The following TTF2 variants were observed in gnomAD, a reference collection of about 807,000 sequenced individuals.
TTF2 encodes the protein RNA polymerase II termination factor.
TTF2 carries 108 observed loss-of-function variants against 142.4 expected under a neutral mutation model. That is an observed-to-expected ratio of 0.76 (90% CI 0.65 to 0.89). The LOEUF (loss-of-function observed/expected upper bound fraction) is 0.89. Ranked by LOEUF, TTF2 falls within the 40% of genes least tolerant of loss-of-function variation. The probability of loss-of-function intolerance (pLI) is 0.00; values close to 1 mark genes in which losing one functional copy is unlikely to be tolerated. For synonymous variants in TTF2, 483 were observed against 506.2 expected, an observed-to-expected ratio of 0.95 and a Z score of 0.61; for missense variants, 1,327 against 1,379.8, an observed-to-expected ratio of 0.96 and a Z score of 0.61.
chr1:117,073,590 T>TA lies in TTF2; in HGVS notation c.219-66dup, dbSNP rs1656759594. 2.8e-6 allele frequency: 4 copies of TA among 1,445,960 alleles called. No individual in the cohort carries two copies. Among genetic ancestry groups the TA allele is most frequent in the Non-Finnish European group, 3.8e-6 (4 of 1,062,824 alleles). The allele number at this position is 1,445,960 out of a possible 1,614,324, so 89.6% of individuals were successfully genotyped here. ...ATAGTTGCAAGATGTTTTCTTGGAT[T>TA]AAAAATAAGCTTATCTCTTGTTCTA... On this transcript the variant is annotated intron_variant, in intron 3 of 22. Coordinates refer to ENST00000369466, the MANE Select transcript of TTF2 (RefSeq NM_003594.4). The surrounding 1 kb of genome is among the most constrained non-coding windows in gnomAD (Gnocchi z 4.4).
Position 117,074,170 on chromosome 1 carries a change from G to GT in TTF2, c.285+444dup, listed in dbSNP as rs373301090. Among the ~76,000 whole-genome samples, 627 of 152,292 alleles carry GT rather than the reference G, an allele frequency of 4.1e-3. 7 individuals carry two copies. Among genetic ancestry groups the GT allele is most frequent in the African/African-American group, 0.014 (601 of 41,560 alleles). On this transcript the variant is annotated intron_variant, in intron 4 of 22. Coordinates refer to ENST00000369466, the MANE Select transcript of TTF2 (RefSeq NM_003594.4). ...TACGTGAGGAACTAGAAGTAGGGAG[G>GT]TGATAAGACTTGTTTTGGCAGAGGT...
At position 117,092,027 on chromosome 1, in the gene TTF2, A is replaced by G; in HGVS notation, c.2805+77A>G. ...GAGAAGTCAATTTCACTCTCCTCCA[A>G]CTGGAATCCAGTCTGCTTGATCAAA... On this transcript the variant is annotated intron_variant, in intron 17 of 22. Coordinates refer to ENST00000369466, the MANE Select transcript of TTF2 (RefSeq NM_003594.4). This position sits in a 1 kb window ranked among gnomAD's most constrained non-coding sequence, Gnocchi z 4.4. 7.0e-7 allele frequency: 1 copy of G among 1,433,552 alleles called. No homozygotes were observed. 88.8% of individuals were successfully genotyped at this position (1,433,552 alleles called of 1,614,324 possible). A position where few individuals can be genotyped will look rare whatever the true frequency, so the allele number is the denominator to read the frequency against.
rs1439136061 is a variant in TTF2 at position 117,085,557 on chromosome 1, A to C, written c.2055-860A>C. 2.0e-5 allele frequency among the ~76,000 whole-genome samples: 3 copies of C among 152,164 alleles called. No individual in the cohort carries two copies. The highest frequency in any genetic ancestry group is 1.5e-5 in the Non-Finnish European group (1 of 68,022). Reference sequence around the variant, plus strand: ...GACCAGGGTAGGTTACTCACCTATTATTATCATTTCTGATGCTGAGTATGC... The same window carrying C: ...GACCAGGGTAGGTTACTCACCTATTCTTATCATTTCTGATGCTGAGTATGC... On this transcript the variant is annotated intron_variant, in intron 11 of 22. Transcript: ENST00000369466. The surrounding 1 kb of genome is among the most constrained non-coding windows in gnomAD (Gnocchi z 4.7).
chr1:117,076,172 T>G lies in TTF2; in HGVS notation c.1276-8T>G, dbSNP rs750723851. On this transcript the variant is annotated splice_polypyrimidine_tract_variant and splice_region_variant and intron_variant, in intron 5 of 22. Coordinates refer to ENST00000369466, the MANE Select transcript of TTF2 (RefSeq NM_003594.4). This position sits in a 1 kb window ranked among gnomAD's most constrained non-coding sequence, Gnocchi z 4.6. ...GGAGAGATCCATTTGATGGAATCTGTTTTTCAGAGCACACTGGCATCAGTG... is the reference window on the plus strand; with the variant it reads ...GGAGAGATCCATTTGATGGAATCTGGTTTTCAGAGCACACTGGCATCAGTG... The G allele has an allele frequency of 1.2e-6, 2 of 1,612,416 alleles. No homozygotes were observed. Among genetic ancestry groups the G allele is most frequent in the African/African-American group, 2.7e-5 (2 of 74,852 alleles).
chr1:117,091,817 T>G lies in TTF2; in HGVS notation c.2672T>G (p.Val891Gly), dbSNP rs746063529. ...TGTGGCTTGTCTTCCCTCTTGGAAG[T>G]GGCACTGGAGTTTGGGTCTGAGGAG... ...GRSPNNPFSRVALEFGSEEPR... is the reference protein window; with the variant it reads ...GRSPNNPFSRGALEFGSEEPR... Residue 891 changes from valine to glycine, a missense_variant and splice_region_variant, in exon 17 of 23, where the codon GTG becomes GGG. Transcript: ENST00000369466. The G allele has an allele frequency of 6.2e-7, 1 of 1,612,546 alleles. No homozygotes were observed. Among genetic ancestry groups the G allele is most frequent in the South Asian group, 1.1e-5 (1 of 90,984 alleles).
rs1400209086 is a variant in TTF2 at position 117,063,767 on chromosome 1, C to T, written c.218+1294C>T. 6.6e-6 allele frequency among the ~76,000 whole-genome samples: 1 copy of T among 152,164 alleles called. No homozygotes were observed. The highest frequency in any genetic ancestry group is 1.5e-5 in the Non-Finnish European group (1 of 68,040). On this transcript the variant is annotated intron_variant, in intron 3 of 22. Transcript: ENST00000369466. This position sits in a 1 kb window ranked among gnomAD's most constrained non-coding sequence, Gnocchi z 4.1. ...AGAGTTATCCCCTGTAGACTTTATC[C>T]AGTTTCCCCCAATGGTAACGTTTGC...
Position 117,086,588 on chromosome 1 carries a change from C to A in TTF2, c.2160+66C>A. On this transcript the variant is annotated intron_variant, in intron 12 of 22. Transcript: ENST00000369466. The surrounding 1 kb of genome is among the most constrained non-coding windows in gnomAD (Gnocchi z 4.2). ...CAGATGGTTTAATGGGAGTCTTTCT[C>A]AGCCTCCACGATAGCAAGAGGACCT... is the stretch of plus-strand genomic sequence containing the variant. 8.5e-7 allele frequency: 1 copy of A among 1,179,818 alleles called. No homozygotes were observed. Among genetic ancestry groups the A allele is most frequent in the Non-Finnish European group, 1.3e-6 (1 of 798,276 alleles). 73.1% of individuals were successfully genotyped at this position (1,179,818 alleles called of 1,614,324 possible). A position where few individuals can be genotyped will look rare whatever the true frequency, so the allele number is the denominator to read the frequency against.
intron 19 of TTF2, 35 bp downstream of exon 19, chr1:117,095,402 A>G (rs1485770937): frequency 4.4e-6 from 7 of 1,602,858 alleles, no homozygotes; most frequent in Non-Finnish European, 5.1e-6. Context: ...AGTATTGGTC[A>G]TAATTATGTG....
chr1:117,088,766 A>G (rs1215395709), intron 12 of TTF2, 35 bp from the exon 13 acceptor site: 50 of 1,605,570 alleles, frequency 3.1e-5, no homozygotes, highest in Non-Finnish European at 4.2e-5. Context: ...ACATTTTCCC[A>G]TATTGTGGCT....
chr1:117,083,531 A>C (rs1355459175), intron 10 of TTF2, among the ~76,000 whole-genome samples: 1 of 152,198 alleles, frequency 6.6e-6, no homozygotes, highest in Non-Finnish European at 1.5e-5. Flanking sequence ...CTCTATAATG[A>C]ATCAACTCAA....
chr1:117,092,082 G>T lies in TTF2; in HGVS notation c.2805+132G>T. ...ATGCTGTTTCGGTTTTTCTATTTTT[G>T]TTTTTTGGTGGGTTGGAGAAAAGGG... On this transcript the variant is annotated intron_variant, in intron 17 of 22. Transcript: ENST00000369466. The surrounding 1 kb of genome is among the most constrained non-coding windows in gnomAD (Gnocchi z 4.4). 1 of 991,638 alleles carries T rather than the reference G, an allele frequency of 1.0e-6. No homozygotes were observed. The highest frequency in any genetic ancestry group is 1.4e-6 in the Non-Finnish European group (1 of 710,378). 61.4% of individuals were successfully genotyped at this position (991,638 alleles called of 1,614,324 possible).
chr1:117,095,642 T>C (rs767133132), intron 19 of TTF2, among the ~76,000 whole-genome samples: 1 of 151,832 alleles, frequency 6.6e-6, no homozygotes, highest in Non-Finnish European at 1.5e-5. Context: ...CCAGCAGTGC[T>C]GATAACGTTC....
chr1:117,090,745 A>T lies in TTF2; in HGVS notation c.2588+122A>T. 3 of 773,866 alleles carry T rather than the reference A, an allele frequency of 3.9e-6. No homozygotes were observed. Among genetic ancestry groups the T allele is most frequent in the Non-Finnish European group, 6.2e-6 (3 of 487,208 alleles). The allele number at this position is 773,866 out of a possible 1,614,324, so 47.9% of individuals were successfully genotyped here. ...CATTATTGATTAGTTGGATGTCTGT[A>T]TTCCCTTTTTTTTTTTACCCCATTT... On this transcript the variant is annotated intron_variant, in intron 15 of 22. Coordinates refer to ENST00000369466, the MANE Select transcript of TTF2 (RefSeq NM_003594.4). This position sits in a 1 kb window ranked among gnomAD's most constrained non-coding sequence, Gnocchi z 4.8.
intron 2 of TTF2, among the ~76,000 whole-genome samples, chr1:117,061,164 C>T (rs1421178450): frequency 6.6e-6 from 1 of 152,076 alleles, no homozygotes; most frequent in African/African-American, 2.4e-5. Context: ...CGAAGGCGAG[C>T]GAATCGCTTG....
chr1:117,065,554 G>T (rs567295682), intron 3 of TTF2, among the ~76,000 whole-genome samples: 8 of 152,148 alleles, frequency 5.3e-5, no homozygotes, highest in African/African-American at 1.9e-4. Flanking sequence ...CCGGGATCGC[G>T]CCACCGCACT....
In TTF2 at chr1:117,070,086, T is replaced by C. The variant is rs994856575; in HGVS notation, c.219-3575T>C. On this transcript the variant is annotated intron_variant, in intron 3 of 22. Transcript: ENST00000369466. The surrounding 1 kb of genome is among the most constrained non-coding windows in gnomAD (Gnocchi z 4.2). ...CAGAAAAGCTCATCCAGATTGATTTTAATTAAAAATGTAAGGGAAAGCATT... is the reference window on the plus strand; with the variant it reads ...CAGAAAAGCTCATCCAGATTGATTTCAATTAAAAATGTAAGGGAAAGCATT... Among the ~76,000 whole-genome samples the C allele has an allele frequency of 6.6e-6, 1 of 152,248 alleles. No individual in the cohort carries two copies. The highest frequency in any genetic ancestry group is 2.4e-5 in the African/African-American group (1 of 41,474).
Position 117,100,247 on chromosome 1 carries a change from T to G in TTF2, c.3345-1133T>G, listed in dbSNP as rs151018857. On this transcript the variant is annotated intron_variant, in intron 22 of 22. Coordinates refer to ENST00000369466, the MANE Select transcript of TTF2 (RefSeq NM_003594.4). This position sits in a 1 kb window ranked among gnomAD's most constrained non-coding sequence, Gnocchi z 4.6. ...TCTTTGTGAATAGTATCACTCTTTA[T>G]CTAATTATCTAGCCAGAACTAGACT... Among the ~76,000 whole-genome samples the G allele has an allele frequency of 7.7e-4, 118 of 152,366 alleles. No individual in the cohort carries two copies. Among genetic ancestry groups the G allele is most frequent in the African/African-American group, 2.8e-3 (117 of 41,584 alleles).
intron 15 of TTF2, 109 bp from the exon 16 acceptor site, chr1:117,091,219 C>A: frequency 1.2e-6 from 1 of 822,570 alleles, no homozygotes. Flanking sequence ...ATGAGCTTGG[C>A]ATCATTTAAC....
chr1:117,077,825 A>AAG, intron 7 of TTF2, 91 bp from the exon 8 acceptor site: 8 of 1,529,644 alleles, frequency 5.2e-6, no homozygotes, highest in Non-Finnish European at 7.1e-6. Context: ...GGTAAGAAAC[A>AAG]GATACAGGGC....
Sources: allele counts gnomAD v4.1 joint callset (sites outside exome capture counted in the v4.1 genomes callset), GRCh38; gene constraint gnomAD v4.1.1; non-coding constraint Gnocchi (gnomAD v3.1); transcripts MANE v1.5; gene names NCBI Gene and HGNC (gene_info 2026-07-23, HGNC 2026-07-21).